Variants in CCSER1 observed in about 807,000 individuals in gnomAD.
CCSER1 encodes coiled-coil serine rich protein 1.
In CCSER1, 41 loss-of-function variants were observed where a neutral mutation model predicts 82.0. The observed-to-expected ratio is 0.50, with a 90% CI of 0.39 to 0.65. The LOEUF (loss-of-function observed/expected upper bound fraction) is 0.65. Among genes scored for constraint, CCSER1 ranks in the 30% least tolerant of loss-of-function variants. The probability of loss-of-function intolerance (pLI) is 0.00; values close to 1 mark genes in which losing one functional copy is unlikely to be tolerated. For missense variants in CCSER1, 1,119 were observed against 1,064.2 expected, an observed-to-expected ratio of 1.05 and a Z score of -0.72; for synonymous variants, 414 against 383.9, an observed-to-expected ratio of 1.08 and a Z score of -0.92.
intron 5 of CCSER1, among the ~76,000 whole-genome samples, chr4:90,565,922 G>A (rs1306515101): frequency 5.3e-5 from 8 of 150,128 alleles, no homozygotes; most frequent in Admixed American, 2.0e-4. Context: ...GTGCAGAAGC[G>A]CAATCTTGGC....
intron 4 of CCSER1, among the ~76,000 whole-genome samples, chr4:90,409,041 C>T (rs777559127): frequency 4.0e-5 from 6 of 151,604 alleles, no homozygotes; most frequent in African/African-American, 1.2e-4. Flanking sequence ...TGATGGAAGA[C>T]AAAATGAATG....
At chr4:90,694,969 C>T (rs2149251588) in intron 6 of CCSER1, among the ~76,000 whole-genome samples, 1 of 151,462 alleles carries the variant, frequency 6.6e-6, no homozygotes. Flanking sequence ...TTACCAGTAA[C>T]ATACATTCTT....
rs114349962 is a variant in CCSER1, at chr4:90,967,318, G to A, written c.2172+43871G>A. Among the ~76,000 whole-genome samples the A allele has an allele frequency of 2.5e-3, 377 of 151,894 alleles. 4 individuals are homozygous for A. Among genetic ancestry groups the A allele is most frequent in the African/African-American group, 8.7e-3 (359 of 41,350 alleles). On this transcript the variant is annotated intron_variant, in intron 9 of 10. Transcript: ENST00000509176. ...CAAAAAATTAGCTGGGCGTGGTGGA[G>A]TGCACCTATGGTCCCAGCTACCCGG...
chr4:90,275,841 A>T (rs1727436066), intron 1 of CCSER1, among the ~76,000 whole-genome samples: 1 of 152,190 alleles, frequency 6.6e-6, no homozygotes, highest in African/African-American at 2.4e-5. Flanking sequence ...GTGATGTCAA[A>T]ATGATCTGTA....
intron 1 of CCSER1, among the ~76,000 whole-genome samples, chr4:90,142,260 C>T (rs933974715): frequency 1.3e-5 from 2 of 152,180 alleles, no homozygotes; most frequent in East Asian, 1.9e-4. Flanking sequence ...TGCATTTAAT[C>T]CTTTTTGTTT....
intron 10 of CCSER1, among the ~76,000 whole-genome samples, chr4:91,288,027 G>T: frequency 6.8e-6 from 1 of 148,072 alleles, no homozygotes; most frequent in African/African-American, 2.5e-5. Flanking sequence ...ATAAACAACA[G>T]TAATTACTAT....
At chr4:90,372,982 G>A (rs1747703855) in intron 3 of CCSER1, among the ~76,000 whole-genome samples, 2 of 151,648 alleles carry the variant, frequency 1.3e-5, no homozygotes, top group Non-Finnish European at 2.9e-5. Flanking sequence ...CATGGTATAA[G>A]ATATTAAGGA....
intron 8 of CCSER1, among the ~76,000 whole-genome samples, chr4:90,822,685 G>A (rs1317148382): frequency 7.1e-6 from 1 of 140,106 alleles, no homozygotes; most frequent in Non-Finnish European, 1.5e-5. Flanking sequence ...CTGATAACGT[G>A]CCATTGCACT....
At chr4:90,459,515 C>G (rs1156931336) in intron 4 of CCSER1, among the ~76,000 whole-genome samples, 1 of 152,080 alleles carries the variant, frequency 6.6e-6, no homozygotes, top group African/African-American at 2.4e-5. Context: ...GCTAGAAGTT[C>G]AAATTCAGTG....
chr4:91,561,888 G>A lies in CCSER1; in HGVS notation c.2218-36684G>A, dbSNP rs569269614. 1.8e-3 allele frequency among the ~76,000 whole-genome samples: 276 copies of A among 151,154 alleles called. 1 individual carries two copies. Among genetic ancestry groups the A allele is most frequent in the African/African-American group, 6.2e-3 (258 of 41,346 alleles). On this transcript the variant is annotated intron_variant, in intron 10 of 10. Transcript: ENST00000509176. ...AGATTTCTTCTATGGGTATATCATG[G>A]GTAAAATTTAACTATACATTAAGTA... is the stretch of plus-strand genomic sequence containing the variant.
intron 10 of CCSER1, among the ~76,000 whole-genome samples, chr4:91,578,512 A>C (rs1298777816): frequency 6.6e-6 from 1 of 151,942 alleles, no homozygotes; most frequent in Non-Finnish European, 1.5e-5. Context: ...TTTTAGCAAC[A>C]CCTTACATAA....
At chr4:91,086,245 T>G (rs1723381755) in intron 10 of CCSER1, among the ~76,000 whole-genome samples, 1 of 152,120 alleles carries the variant, frequency 6.6e-6, no homozygotes, top group Non-Finnish European at 1.5e-5. Context: ...CAAGCATTGT[T>G]TCTGTTATAA....
intron 10 of CCSER1, among the ~76,000 whole-genome samples, chr4:91,400,309 TA>T (rs1752237748): frequency 6.6e-6 from 1 of 151,844 alleles, no homozygotes; most frequent in Non-Finnish European, 1.5e-5. Flanking sequence ...TCTCTACCTT[TA>T]AAAAGTAAAT....
chr4:90,413,922 C>T (rs1755323137), intron 4 of CCSER1, among the ~76,000 whole-genome samples: 1 of 118,558 alleles, frequency 8.4e-6, no homozygotes, highest in South Asian at 2.9e-4. Context: ...GCACCCCAGC[C>T]TGGGTGACAG....
At chr4:91,204,559 TC>T (rs1736188781) in intron 10 of CCSER1, among the ~76,000 whole-genome samples, 1 of 151,932 alleles carries the variant, frequency 6.6e-6, no homozygotes, top group Non-Finnish European at 1.5e-5. Flanking sequence ...GCTAATTTCC[TC>T]TTAATCAAGC....
At chr4:91,265,567 T>C (rs1239930995) in intron 10 of CCSER1, among the ~76,000 whole-genome samples, 1 of 152,214 alleles carries the variant, frequency 6.6e-6, no homozygotes. Context: ...TTGTATTCTG[T>C]AGAGCCATGA....
At chr4:90,560,058 C>G (rs911588150) in intron 5 of CCSER1, among the ~76,000 whole-genome samples, 59 of 151,994 alleles carry the variant, frequency 3.9e-4, no homozygotes, top group African/African-American at 1.4e-3. Flanking sequence ...TAATAGCCTG[C>G]AATAACTTAT....
intron 3 of CCSER1, among the ~76,000 whole-genome samples, chr4:90,327,877 T>G (rs576491753): frequency 1.3e-4 from 20 of 152,322 alleles, no homozygotes; most frequent in African/African-American, 3.6e-4. Context: ...AATTTTCTTT[T>G]TTTTAATCTT....
chr4:91,071,723 A>G (rs1455624230), intron 9 of CCSER1, among the ~76,000 whole-genome samples: 1 of 152,168 alleles, frequency 6.6e-6, no homozygotes, highest in East Asian at 1.9e-4. Flanking sequence ...TAAGCTTAGT[A>G]TCTCATCAAA....
Sources: gnomAD v4.1 joint callset for allele counts (sites outside exome capture counted in the v4.1 genomes callset) on GRCh38, gnomAD v4.1.1 for gene constraint, MANE v1.5 for transcripts, NCBI Gene and HGNC (gene_info 2026-07-23, HGNC 2026-07-21) for gene names.